TRPM6: variants seen among roughly 807,000 people sequenced by gnomAD.
The protein encoded by TRPM6 is transient receptor potential cation channel subfamily M member 6, also known as channel kinase 2.
Under a neutral mutation model 247.6 loss-of-function variants are expected in TRPM6, and 111 were observed. The ratio of observed to expected loss-of-function variants is 0.45; its 90% confidence interval spans 0.38 to 0.52. The LOEUF (loss-of-function observed/expected upper bound fraction) is 0.52. TRPM6 is among the 20% of genes least tolerant of loss of function. TRPM6 has a pLI of 0.00. For missense variants in TRPM6, 2,126 were observed against 2,421.5 expected (o/e 0.88, Z 2.56); for synonymous variants, 892 against 853.8 (o/e 1.04, Z -0.78).
intron 23 of TRPM6, among the ~76,000 whole-genome samples, chr9:74,780,097 G>A (rs568889771): frequency 1.3e-5 from 2 of 151,904 alleles, no homozygotes; most frequent in Admixed American, 6.6e-5. Flanking sequence ...ACTTGAACCC[G>A]GGAGGCAAAG....
chr9:74,778,997 G>T (rs1382095326), intron 23 of TRPM6, among the ~76,000 whole-genome samples: 5 of 152,180 alleles, frequency 3.3e-5, no homozygotes, highest in African/African-American at 1.2e-4. Context: ...CTGGGGCTAA[G>T]ATGCGGGGTG....
chr9:74,847,361 C>T (rs570726401), intron 3 of TRPM6, among the ~76,000 whole-genome samples: 4 of 152,104 alleles, frequency 2.6e-5, no homozygotes, highest in East Asian at 1.9e-4. Context: ...CTATCACGTC[C>T]GGCTAATTTG....
intron 36 of TRPM6, among the ~76,000 whole-genome samples, chr9:74,736,071 A>G (rs1306221655): frequency 1.3e-5 from 2 of 152,232 alleles, no homozygotes; most frequent in Non-Finnish European, 2.9e-5. Flanking sequence ...ATTAACCTCC[A>G]TATTAAAGAG....
chr9:74,763,119 G>A lies in TRPM6; in HGVS notation c.3552C>T (p.Tyr1184=). The A allele has an allele frequency of 1.9e-6, 3 of 1,610,894 alleles. No homozygotes were observed. The highest frequency in any genetic ancestry group is 1.1e-5 in the South Asian group (1 of 91,086). The change falls in exon 26 of 39, where the codon TAC becomes TAT. Residue 1184 remains tyrosine (Y), a synonymous_variant. Transcript: ENST00000360774. ...TTTCATTCATTTCTTTCAGCTGGAA[G>A]TACATCTCTGTAACCCTAGTGGTGA... is the stretch of plus-strand genomic sequence containing the variant. ...RVTSERVTEM[Y]FQLKEMNEKV... is the part of the protein sequence containing the mutation.
chr9:74,862,500 TA>T (rs1255256686), intron 1 of TRPM6, among the ~76,000 whole-genome samples: 1 of 152,194 alleles, frequency 6.6e-6, no homozygotes, highest in Non-Finnish European at 1.5e-5. Flanking sequence ...TCCTAAAACA[TA>T]ATCAGATTTT....
chr9:74,806,197 T>C (rs1276756633), intron 14 of TRPM6, among the ~76,000 whole-genome samples: 2 of 152,140 alleles, frequency 1.3e-5, no homozygotes, highest in Non-Finnish European at 2.9e-5. Flanking sequence ...CATTATACTA[T>C]TCTCTATTTT....
intron 37 of TRPM6, 40 bp from the exon 38 acceptor site, chr9:74,728,385 GA>G: frequency 7.1e-7 from 1 of 1,417,176 alleles, no homozygotes; most frequent in Non-Finnish European, 1.0e-6. Context: ...TCACAGCTAA[GA>G]AAAAGGAGCT....
intron 11 of TRPM6, among the ~76,000 whole-genome samples, chr9:74,814,806 T>A (rs1344206636): frequency 6.6e-6 from 1 of 151,908 alleles, no homozygotes; most frequent in Non-Finnish European, 1.5e-5. Context: ...AAAATTAGCC[T>A]GGTGTAGTGG....
At chr9:74,868,002 A>G (rs1587599000) in intron 1 of TRPM6, among the ~76,000 whole-genome samples, 1 of 151,928 alleles carries the variant, frequency 6.6e-6, no homozygotes, top group East Asian at 1.9e-4. Flanking sequence ...AAAACAAAAA[A>G]AATTAGCTGG....
At chr9:74,809,522 T>C (rs1255195767) in intron 13 of TRPM6, among the ~76,000 whole-genome samples, 1 of 152,230 alleles carries the variant, frequency 6.6e-6, no homozygotes, top group African/African-American at 2.4e-5. Flanking sequence ...CCAAAAGTAA[T>C]GCTCTTATTG....
At chr9:74,819,637 ATT>A (rs1829074192) in intron 9 of TRPM6, among the ~76,000 whole-genome samples, 1 of 152,186 alleles carries the variant, frequency 6.6e-6, no homozygotes, top group South Asian at 2.1e-4. Flanking sequence ...CCCAGAGTTT[ATT>A]CTCACTTTTC....
intron 13 of TRPM6, 113 bp from the exon 14 acceptor site, chr9:74,808,287 A>G: frequency 1.5e-6 from 2 of 1,307,250 alleles, no homozygotes; most frequent in Non-Finnish European, 1.1e-6. Context: ...ATACCTTTTA[A>G]ATATCTTTAC....
rs1251781966 is a variant in TRPM6, at chr9:74,782,864, G to A, written c.2920-11C>T. ...GAACATGTTTGCTGTCTGCAAAAGAGCATAGTACAACCAGAATTTTACCAC... is the reference window on the plus strand; with the variant it reads ...GAACATGTTTGCTGTCTGCAAAAGAACATAGTACAACCAGAATTTTACCAC... On this transcript the variant is annotated splice_polypyrimidine_tract_variant and intron_variant, in intron 21 of 38. Coordinates refer to ENST00000360774, the MANE Select transcript of TRPM6 (RefSeq NM_017662.5). The A allele has an allele frequency of 5.6e-6, 9 of 1,613,638 alleles. No homozygotes were observed. Among genetic ancestry groups the A allele is most frequent in the Admixed American group, 1.7e-5 (1 of 60,004 alleles).
chr9:74,809,087 C>A (rs557743186), intron 13 of TRPM6, among the ~76,000 whole-genome samples: 1 of 152,158 alleles, frequency 6.6e-6, no homozygotes, highest in South Asian at 2.1e-4. Context: ...GAGTAACTAT[C>A]TGAAACTCCA....
chr9:74,840,164 A>G lies in TRPM6; in HGVS notation c.404T>C (p.Leu135Pro). The G allele has an allele frequency of 1.2e-6, 2 of 1,614,186 alleles. No individual in the cohort carries two copies. The highest frequency in any genetic ancestry group is 2.2e-5 in the East Asian group (1 of 44,874). The change falls in exon 5 of 39, where the codon CTG (leucine) becomes CCG (proline). Residue 135 changes from leucine (L) to proline (P), a missense_variant. Physicochemically the swap from Leu to Pro is moderately conservative, Grantham distance 98 (BLOSUM62 -3). Transcript: ENST00000360774. ...ATGGACTGAGATCACAAGCTTGGGCAGTTCCATTTTCCACTCTTTCAACAT... is the reference window on the plus strand; with the variant it reads ...ATGGACTGAGATCACAAGCTTGGGCGGTTCCATTTTCCACTCTTTCAACAT... ...HLMLKEWKME[L>P]PKLVISVHGG...
chr9:74,834,835 C>T (rs1470474741), intron 5 of TRPM6, among the ~76,000 whole-genome samples: 1 of 152,000 alleles, frequency 6.6e-6, no homozygotes, highest in Non-Finnish European at 1.5e-5. Context: ...CCAATCTATC[C>T]CTGATGGACA....
intron 3 of TRPM6, among the ~76,000 whole-genome samples, chr9:74,846,397 A>G (rs543752995): frequency 6.6e-6 from 1 of 152,290 alleles, no homozygotes; most frequent in South Asian, 2.1e-4. Flanking sequence ...ATATTATTTT[A>G]AAGTTCTTGC....
intron 28 of TRPM6, among the ~76,000 whole-genome samples, chr9:74,753,929 G>C (rs189187885): frequency 6.6e-6 from 1 of 152,070 alleles, no homozygotes; most frequent in Admixed American, 6.5e-5. Context: ...CTGATCATCT[G>C]ACTTAATGAG....
intron 3 of TRPM6, among the ~76,000 whole-genome samples, chr9:74,853,185 G>A (rs530629313): frequency 2.2e-3 from 334 of 151,380 alleles, no homozygotes; most frequent in African/African-American, 7.9e-3. Flanking sequence ...CGGCCGCCCC[G>A]TCTGAGAAGT....
Sources: gnomAD v4.1 joint callset for allele counts (sites outside exome capture counted in the v4.1 genomes callset) on GRCh38, gnomAD v4.1.1 for gene constraint, MANE v1.5 for transcripts, NCBI Gene and HGNC (gene_info 2026-07-23, HGNC 2026-07-21) for gene names.